The following WDR17 variants were observed in gnomAD, a reference collection of about 807,000 sequenced individuals.
WDR17 encodes the protein WD repeat domain 17, also known as WD repeat-containing protein 17.
A neutral mutation model predicts 161.7 loss-of-function variants in WDR17; 143 were observed. The observed-to-expected ratio is 0.88, with a 90% CI of 0.77 to 1.02. The LOEUF (loss-of-function observed/expected upper bound fraction) is 1.02, where lower values mean the gene tolerates loss of function less well. Among genes scored for constraint, WDR17 ranks in the 50% least tolerant of loss-of-function variants. WDR17 has a pLI of 0.00. For synonymous variants in WDR17, 517 were observed against 515.6 expected (o/e 1.00, Z -0.04); for missense variants, 1,469 against 1,520.9 (o/e 0.97, Z 0.57).
Position 176,180,809 on chromosome 4 carries a change from T to G in WDR17, c.*1230T>G, listed in dbSNP as rs182486725. On this transcript the variant is annotated 3_prime_UTR_variant, in exon 29 of 29. Transcript: ENST00000508596. Reference sequence around the variant, plus strand: ...TGGTTGAATTTTTGGATATATTATGTTGATTTAACTTTTAAAATGTTGTTT... The same window carrying G: ...TGGTTGAATTTTTGGATATATTATGGTGATTTAACTTTTAAAATGTTGTTT... The G allele has an allele frequency of 7.1e-4, 108 of 152,334 alleles. No homozygotes were observed. Among genetic ancestry groups the G allele is most frequent in the African/African-American group, 2.4e-3 (99 of 41,584 alleles). 9.4% of individuals were successfully genotyped at this position (152,334 alleles called of 1,614,324 possible). A position where few individuals can be genotyped will look rare whatever the true frequency, so the allele number is the denominator to read the frequency against.
chr4:176,071,530 T>G (rs1168436388), intron 1 of WDR17, among the ~76,000 whole-genome samples: 1 of 151,752 alleles, frequency 6.6e-6, no homozygotes, highest in African/African-American at 2.4e-5. Flanking sequence ...ACCATGTTGG[T>G]CAGGCTGGTC....
intron 1 of WDR17, among the ~76,000 whole-genome samples, chr4:176,091,868 A>G (rs959718930): frequency 1.3e-5 from 2 of 152,152 alleles, no homozygotes; most frequent in African/African-American, 4.8e-5. Flanking sequence ...GAAAACCTAA[A>G]AGGACACGCA....
chr4:176,166,096 G>A, intron 22 of WDR17: 1 of 1,101,696 alleles, frequency 9.1e-7, no homozygotes, highest in Non-Finnish European at 1.3e-6. Context: ...GTATAATCAT[G>A]GTATTCATAT....
intron 1 of WDR17, among the ~76,000 whole-genome samples, chr4:176,088,581 C>A (rs142650983): frequency 6.6e-6 from 1 of 152,268 alleles, no homozygotes; most frequent in Admixed American, 6.5e-5. Flanking sequence ...CCTTTCAGAA[C>A]ATGATAGTGG....
chr4:176,138,681 G>A (rs553960868), intron 9 of WDR17, among the ~76,000 whole-genome samples: 2 of 151,734 alleles, frequency 1.3e-5, no homozygotes, highest in Admixed American at 6.6e-5. Context: ...TTACTCATTA[G>A]ATCAGTTGAT....
chr4:176,098,507 C>G (rs1737258616), intron 1 of WDR17, among the ~76,000 whole-genome samples: 1 of 151,764 alleles, frequency 6.6e-6, no homozygotes, highest in Non-Finnish European at 1.5e-5. Flanking sequence ...AATGGACCTT[C>G]AGTGGACTGT....
chr4:176,081,316 G>A lies in WDR17; in HGVS notation c.-7+15237G>A, dbSNP rs925825123. Among the ~76,000 whole-genome samples the A allele has an allele frequency of 3.9e-5, 6 of 152,032 alleles. No homozygotes were observed. In the East Asian group the frequency reaches 9.6e-4, roughly 24 times the overall value. On this transcript the variant is annotated intron_variant, in intron 1 of 28. Coordinates refer to ENST00000508596, the MANE Select transcript of WDR17 (RefSeq NM_181265.4). ...GATCTACATGACTTTCCATCATTCT[G>A]TCTCGCCTGTCTGTTCATTCTCATG...
chr4:176,125,135 A>G lies in WDR17; in HGVS notation c.570A>G (p.Pro190=). 6.2e-7 allele frequency: 1 copy of G among 1,614,184 alleles called. No homozygotes were observed. The highest frequency in any genetic ancestry group is 8.5e-7 in the Non-Finnish European group (1 of 1,180,004). ...GNKNQKHVLR[P]ESLEGTDEED... ...AAAATCAGAAACATGTTTTGAGACC[A>G]GAATCTCTTGAAGGGACAGATGAAG... is the stretch of plus-strand genomic sequence containing the variant. The change falls in exon 5 of 29, where the codon CCA becomes CCG. Residue 190 remains proline (P), a synonymous_variant. Transcript: ENST00000508596.
rs960975961 is a variant in WDR17 at position 176,125,408 on chromosome 4, T to C, written c.790+53T>C. Reference sequence around the variant, plus strand: ...TTAAATACGTGTATATATTCTTTCGTTGAATTTAGGAAATTGTCCTTTATA... The same window carrying C: ...TTAAATACGTGTATATATTCTTTCGCTGAATTTAGGAAATTGTCCTTTATA... On this transcript the variant is annotated intron_variant, in intron 5 of 28. Transcript: ENST00000508596. The C allele has an allele frequency of 1.7e-4, 262 of 1,563,866 alleles. No homozygotes were observed. The Middle Eastern group carries it at 2.4e-3, about 14-fold the overall frequency.
At chr4:176,156,561 G>A (rs1237062403) in intron 18 of WDR17, among the ~76,000 whole-genome samples, 1 of 151,900 alleles carries the variant, frequency 6.6e-6, no homozygotes, top group African/African-American at 2.4e-5. Flanking sequence ...TATGAGGGAG[G>A]CACTGATGAT....
chr4:176,131,596 C>G lies in WDR17; in HGVS notation c.956C>G (p.Thr319Arg). 1 of 1,611,728 alleles carries G rather than the reference C, an allele frequency of 6.2e-7. No individual in the cohort carries two copies. Among genetic ancestry groups the G allele is most frequent in the Non-Finnish European group, 8.5e-7 (1 of 1,178,860 alleles). ...SPTKNHYTSS[T>R]SEAVPPPTLT... ...ACCAAAAATCATTATACATCCTCAA[C>G]AAGCGAAGCAGTTCCACCCCCAACT... is the stretch of plus-strand genomic sequence containing the variant. The change falls in exon 7 of 29, where the codon ACA (threonine) becomes AGA (arginine). Residue 319 changes from threonine (T) to arginine (R), a missense_variant. Coordinates refer to ENST00000508596, the MANE Select transcript of WDR17 (RefSeq NM_181265.4).
At chr4:176,073,703 T>G (rs1001684445) in intron 1 of WDR17, among the ~76,000 whole-genome samples, 3 of 149,216 alleles carry the variant, frequency 2.0e-5, no homozygotes, top group African/African-American at 4.9e-5. Context: ...ATGGTTGAAC[T>G]AGTTTACAGT....
intron 1 of WDR17, among the ~76,000 whole-genome samples, chr4:176,090,953 T>C (rs1339096247): frequency 6.6e-6 from 1 of 152,214 alleles, no homozygotes; most frequent in Admixed American, 6.5e-5. Context: ...ATGCTGTTGT[T>C]TGTGGCTTAA....
intron 13 of WDR17, 37 bp downstream of exon 13, chr4:176,148,372 T>G: frequency 6.4e-7 from 1 of 1,559,484 alleles, no homozygotes; most frequent in Non-Finnish European, 8.8e-7. Flanking sequence ...ATTTGTTATA[T>G]TGACATACTA....
chr4:176,091,670 A>G (rs1736139087), intron 1 of WDR17, among the ~76,000 whole-genome samples: 3 of 152,174 alleles, frequency 2.0e-5, no homozygotes. Context: ...TGAAACAAAT[A>G]CAAAAGATCA....
intron 10 of WDR17, among the ~76,000 whole-genome samples, chr4:176,141,150 C>G (rs1329068321): frequency 6.6e-6 from 1 of 151,026 alleles, no homozygotes; most frequent in African/African-American, 2.4e-5. Context: ...GATAGTAGAG[C>G]TTTTATTTTT....
In WDR17 at chr4:176,179,603, A is replaced by AT. The variant is rs531364220; in HGVS notation, c.*35dup. On this transcript the variant is annotated 3_prime_UTR_variant, in exon 29 of 29. Coordinates refer to ENST00000508596, the MANE Select transcript of WDR17 (RefSeq NM_181265.4). ...GATAGAAGATTTTTGTCCATGCTTGATTTTTTTTTTTAAAGAAAAACTTTC... is the reference window on the plus strand; with the variant it reads ...GATAGAAGATTTTTGTCCATGCTTGATTTTTTTTTTTTAAAGAAAAACTTTC... 8,528 of 1,229,618 alleles carry AT rather than the reference A, an allele frequency of 6.9e-3. 1 individual carries two copies. Among genetic ancestry groups the AT allele is most frequent in the South Asian group, 0.014 (897 of 61,922 alleles). 76.2% of individuals were successfully genotyped at this position (1,229,618 alleles called of 1,614,324 possible). A position where few individuals can be genotyped will look rare whatever the true frequency, so the allele number is the denominator to read the frequency against.
Position 176,160,943 on chromosome 4 carries a change from T to G in WDR17, c.2691T>G (p.His897Gln). The G allele has an allele frequency of 1.2e-6, 2 of 1,609,528 alleles. No homozygotes were observed. Among genetic ancestry groups the G allele is most frequent in the Non-Finnish European group, 1.7e-6 (2 of 1,178,058 alleles). ...GTGAAGGAAATATGCAGCCCTTACA[T>G]GTTTCCGTGCCTAAAGGAGCTTCAT... is the stretch of plus-strand genomic sequence containing the variant. ...AACEGNMQPL[H>Q]VSVPKGASYS... The change falls in exon 20 of 29, where the codon CAT becomes CAG. Residue 897 changes from histidine to glutamine, a missense_variant. Physicochemically the swap from His to Gln is conservative, Grantham distance 24. Coordinates refer to ENST00000508596, the MANE Select transcript of WDR17 (RefSeq NM_181265.4).
At position 176,151,875 on chromosome 4, in the gene WDR17, G is replaced by A. The variant is rs4690661; in HGVS notation, c.2368G>A (p.Ala790Thr). The A allele has an allele frequency of 1, 1,606,707 of 1,613,212 alleles. 800,296 individuals are homozygous for A. The highest frequency in any genetic ancestry group is 1 in the East Asian group (44,772 of 44,772). The change falls in exon 17 of 29, where the codon GCT (alanine) becomes ACT (threonine). Residue 790 changes from alanine to threonine, a missense_variant. By Grantham distance (58) the Ala-to-Thr change is moderately conservative. Transcript: ENST00000508596. ...SKFGGGIGVP[A>T]KEERLKEAAE... ...ATTTGGTGGTGGTATTGGTGTACCTGCTAAAGAGGAAAGACTGAAGGAAGC... is the reference window on the plus strand; with the variant it reads ...ATTTGGTGGTGGTATTGGTGTACCTACTAAAGAGGAAAGACTGAAGGAAGC...
Sources: gnomAD v4.1 joint callset for allele counts (sites outside exome capture counted in the v4.1 genomes callset) on GRCh38, gnomAD v4.1.1 for gene constraint, MANE v1.5 for transcripts, NCBI Gene and HGNC (gene_info 2026-07-23, HGNC 2026-07-21) for gene names.